Variants in MAP7 observed in about 807,000 individuals in gnomAD.
The protein encoded by MAP7 is microtubule associated protein 7.
MAP7 carries 52 observed loss-of-function variants against 94.8 expected under a neutral mutation model. The ratio of observed to expected loss-of-function variants is 0.55; its 90% CI spans 0.44 to 0.69. The LOEUF is 0.69. MAP7 is among the 30% of genes least tolerant of loss of function. MAP7 has a pLI of 0.00. For synonymous variants in MAP7, 350 were observed against 357.0 expected (o/e 0.98, Z 0.22); for missense variants, 940 against 964.6 (o/e 0.97, Z 0.34).
At chr6:136,485,499 A>T (rs1814354273) in intron 1 of MAP7, among the ~76,000 whole-genome samples, 2 of 147,668 alleles carry the variant, frequency 1.4e-5, no homozygotes, top group South Asian at 4.3e-4. Flanking sequence ...GGGTCACCTG[A>T]TTGCTTTAGT....
chr6:136,372,732 G>A lies in MAP7; in HGVS notation c.752-107C>T, dbSNP rs576733749. The A allele has an allele frequency of 4.3e-6, 6 of 1,405,114 alleles. No individual in the cohort carries two copies. In the East Asian group the frequency reaches 9.2e-5, roughly 21 times the overall value. The allele number at this position is 1,405,114 out of a possible 1,614,324, so 87.0% of individuals were successfully genotyped here. ...GCCAAAAGCAGGTTCAGGAAAAGGA[G>A]CAAAGCAGAGATAGAGAGAAAAGTA... On this transcript the variant is annotated intron_variant, in intron 7 of 17. Coordinates refer to ENST00000354570, the MANE Select transcript of MAP7 (RefSeq NM_003980.6).
chr6:136,446,403 C>T (rs904956854), intron 1 of MAP7, among the ~76,000 whole-genome samples: 8 of 152,214 alleles, frequency 5.3e-5, no homozygotes, highest in African/African-American at 1.9e-4. Flanking sequence ...GGACACACCA[C>T]CATCCAGGAG....
At chr6:136,447,446 T>G (rs746190318) in intron 1 of MAP7, among the ~76,000 whole-genome samples, 8 of 151,364 alleles carry the variant, frequency 5.3e-5, no homozygotes, top group Non-Finnish European at 8.8e-5. Context: ...TTGGTTTATC[T>G]TTTTTTCTTT....
At chr6:136,533,637 C>T (rs1407355277) in intron 1 of MAP7, among the ~76,000 whole-genome samples, 1 of 152,140 alleles carries the variant, frequency 6.6e-6, no homozygotes, top group Non-Finnish European at 1.5e-5. Flanking sequence ...GTACAAGGAG[C>T]ACAGTGCTGG....
intron 1 of MAP7, among the ~76,000 whole-genome samples, chr6:136,431,070 T>G (rs1304209376): frequency 6.6e-6 from 1 of 152,204 alleles, no homozygotes; most frequent in Non-Finnish European, 1.5e-5. Flanking sequence ...TATAATGACA[T>G]GTATATACCA....
At chr6:136,546,779 C>T (rs184940629) in intron 1 of MAP7, among the ~76,000 whole-genome samples, 9 of 152,266 alleles carry the variant, frequency 5.9e-5, no homozygotes, top group East Asian at 5.8e-4. Flanking sequence ...ATACGAGGCC[C>T]GAGTTTTTAA....
rs1001574042 is a variant in MAP7 at position 136,440,519 on chromosome 6, C to T, written c.68-18720G>A. ...GGATATGCATCAGCTTTTTATAAAC[C>T]CAACTAGAAAACCTATTAACTTATT... On this transcript the variant is annotated intron_variant, in intron 1 of 17. Coordinates refer to ENST00000354570, the MANE Select transcript of MAP7 (RefSeq NM_003980.6). 2.4e-4 allele frequency among the ~76,000 whole-genome samples: 36 copies of T among 151,994 alleles called. 1 individual carries two copies. Among genetic ancestry groups the T allele is most frequent in the Admixed American group, 2.2e-3 (34 of 15,258 alleles).
chr6:136,365,924 G>T lies in MAP7; in HGVS notation c.1084C>A (p.Arg362=). ...GSVKAAPAQV[R]PPSPGNIRPV... is the part of the protein sequence containing the mutation. ...CGGATGTTGCCGGGGGATGGGGGCC[G>T]GACCTGAGCAGGAGCAGCTTTGACT... is the stretch of plus-strand genomic sequence containing the variant. Residue 362 remains arginine (R), a synonymous_variant, in exon 10 of 18, where the codon CGG becomes AGG. Transcript: ENST00000354570. 6.2e-7 allele frequency: 1 copy of T among 1,614,114 alleles called. No homozygotes were observed. The highest frequency in any genetic ancestry group is 8.5e-7 in the Non-Finnish European group (1 of 1,180,024).
intron 1 of MAP7, among the ~76,000 whole-genome samples, chr6:136,446,292 C>T (rs1216888747): frequency 6.6e-6 from 1 of 151,556 alleles, no homozygotes; most frequent in African/African-American, 2.4e-5. Flanking sequence ...AGAAGATCAT[C>T]ATCAGAGGTG....
chr6:136,434,526 T>A (rs548819780), intron 1 of MAP7, among the ~76,000 whole-genome samples: 6 of 151,956 alleles, frequency 3.9e-5, no homozygotes, highest in African/African-American at 1.4e-4. Context: ...CTCTGACTCA[T>A]GTGGGAAAGA....
intron 3 of MAP7, among the ~76,000 whole-genome samples, chr6:136,389,814 G>A (rs937250446): frequency 3.3e-5 from 5 of 152,148 alleles, no homozygotes; most frequent in African/African-American, 1.2e-4. Flanking sequence ...TTAACCACAT[G>A]CTCTAGTCTC....
chr6:136,377,693 A>T (rs1376163573), intron 7 of MAP7, 62 bp downstream of exon 7: 28 of 1,241,722 alleles, frequency 2.3e-5, no homozygotes, highest in Non-Finnish European at 3.3e-5. Context: ...ATGTGATTAG[A>T]CGAATATGCT....
At chr6:136,424,109 G>A (rs990705730) in intron 1 of MAP7, among the ~76,000 whole-genome samples, 4 of 151,506 alleles carry the variant, frequency 2.6e-5, no homozygotes, top group African/African-American at 9.7e-5. Flanking sequence ...GGAGTTTTTT[G>A]TTTTTTTTAA....
chr6:136,397,566 T>C (rs777752680), intron 3 of MAP7, among the ~76,000 whole-genome samples: 14 of 97,288 alleles, frequency 1.4e-4, no homozygotes, highest in Non-Finnish European at 2.4e-4. Flanking sequence ...CATTTGAAAA[T>C]AGGACCTTTA....
At chr6:136,479,905 G>T (rs1187207993) in intron 1 of MAP7, among the ~76,000 whole-genome samples, 1 of 152,122 alleles carries the variant, frequency 6.6e-6, no homozygotes, top group African/African-American at 2.4e-5. Flanking sequence ...AATCAATATT[G>T]TTAAAATGTT....
chr6:136,469,327 C>T (rs577636729), intron 1 of MAP7, among the ~76,000 whole-genome samples: 1 of 146,442 alleles, frequency 6.8e-6, no homozygotes, highest in Non-Finnish European at 1.5e-5. Context: ...CTTCTTCCTT[C>T]CTTCCTCCCT....
rs754503100 is a variant in MAP7 at position 136,377,857 on chromosome 6, G to A, written c.649C>T (p.Gln217Ter). The change falls in exon 7 of 18, where the codon CAG (glutamine) becomes TAG (stop). Residue 217 changes from glutamine (Q) to a stop codon, truncating the protein, a stop_gained. Transcript: ENST00000354570. LOFTEE classifies it high-confidence loss of function. Reference protein sequence around the residue: ...LNSPDRARRLQLSPWESSVVN... With the variant: ...LNSPDRARRL ...ACGCTGCTCTCCCATGGGCTGAGCT[G>A]CAGGCGGCGAGCTAAACGTCACCAC... 2 of 1,613,258 alleles carry A rather than the reference G, an allele frequency of 1.2e-6. No homozygotes were observed. Among genetic ancestry groups the A allele is most frequent in the Non-Finnish European group, 1.7e-6 (2 of 1,179,502 alleles).
intron 10 of MAP7, chr6:136,364,111 C>T: frequency 3.1e-6 from 1 of 326,786 alleles, no homozygotes; most frequent in South Asian, 2.8e-5. Context: ...CAGTGCCAGC[C>T]CCACACTTGC....
intron 10 of MAP7, chr6:136,365,167 C>G (rs1012360511): frequency 6.6e-6 from 1 of 152,194 alleles, no homozygotes; most frequent in African/African-American, 2.4e-5. Context: ...AGATTTTTTT[C>G]ATGGCTATTA....
Sources: allele counts gnomAD v4.1 joint callset (sites outside exome capture counted in the v4.1 genomes callset), GRCh38; gene constraint gnomAD v4.1.1; transcripts MANE v1.5; gene names NCBI Gene and HGNC (gene_info 2026-07-23, HGNC 2026-07-21).